MRTFA: variants seen among roughly 807,000 people sequenced by gnomAD.
MRTFA encodes myocardin related transcription factor A.
A neutral mutation model predicts 83.5 loss-of-function variants in MRTFA; 20 were observed. The ratio of observed to expected loss-of-function variants is 0.24; its 90% confidence interval spans 0.17 to 0.35. The LOEUF (loss-of-function observed/expected upper bound fraction) is 0.35, where lower values mean the gene tolerates loss of function less well. Ranked by LOEUF, MRTFA falls within the 10% of genes least tolerant of loss-of-function variation. The pLI is 1.00. For synonymous variants in MRTFA, 659 were observed against 541.2 expected, an observed-to-expected ratio of 1.22 and a Z score of -3.02; for missense variants, 1,200 against 1,224.7, an observed-to-expected ratio of 0.98 and a Z score of 0.30.
At chr22:40,481,485 G>A (rs1402905207) in intron 3 of MRTFA, among the ~76,000 whole-genome samples, 1 of 152,082 alleles carries the variant, frequency 6.6e-6, no homozygotes, top group Non-Finnish European at 1.5e-5. Flanking sequence ...GCTCTAGCAG[G>A]GAAAACATAA....
intron 3 of MRTFA, among the ~76,000 whole-genome samples, chr22:40,540,284 G>C (rs73169017): frequency 0.081 from 12,285 of 152,044 alleles, 734 homozygotes; most frequent in East Asian, 0.25. Flanking sequence ...CTCCTCTTCG[G>C]CCTTGTTTCT....
intron 3 of MRTFA, among the ~76,000 whole-genome samples, chr22:40,500,339 ATTTT>A (rs1257108200): frequency 3.9e-5 from 1 of 25,514 alleles, no homozygotes; most frequent in African/African-American, 6.9e-5. Context: ...TACAGTTTTT[ATTTT>A]TTTTATTTTT....
intron 3 of MRTFA, among the ~76,000 whole-genome samples, chr22:40,493,027 C>T (rs1023819495): frequency 6.6e-6 from 1 of 152,146 alleles, no homozygotes; most frequent in African/African-American, 2.4e-5. Flanking sequence ...GACAACCCAC[C>T]AAAATTTGGG....
At chr22:40,614,956 T>C (rs1393881760) in intron 1 of MRTFA, among the ~76,000 whole-genome samples, 3 of 152,216 alleles carry the variant, frequency 2.0e-5, no homozygotes, top group African/African-American at 7.2e-5. Flanking sequence ...TAGTTTCTTA[T>C]GGTGTCTTCT....
At chr22:40,635,176 C>A in intron 1 of MRTFA, among the ~76,000 whole-genome samples, 1 of 152,198 alleles carries the variant, frequency 6.6e-6, no homozygotes, top group East Asian at 1.9e-4. Context: ...TTAATAACTT[C>A]CAGCCAAAGG....
chr22:40,441,866 G>C (rs1421201150), intron 4 of MRTFA, among the ~76,000 whole-genome samples: 3 of 149,690 alleles, frequency 2.0e-5, no homozygotes, highest in Non-Finnish European at 3.0e-5. Context: ...TTTCACACAG[G>C]CATCCAATAT....
At chr22:40,507,775 C>T (rs1275636079) in intron 3 of MRTFA, among the ~76,000 whole-genome samples, 1 of 151,750 alleles carries the variant, frequency 6.6e-6, no homozygotes, top group Non-Finnish European at 1.5e-5. Flanking sequence ...CCAGCCTGAC[C>T]AACATGGCGA....
At chr22:40,599,370 C>T (rs1179604665) in intron 1 of MRTFA, among the ~76,000 whole-genome samples, 1 of 152,136 alleles carries the variant, frequency 6.6e-6, no homozygotes, top group East Asian at 1.9e-4. Flanking sequence ...TCAATACATA[C>T]GCACATAGAC....
intron 3 of MRTFA, among the ~76,000 whole-genome samples, chr22:40,474,874 T>C (rs1461491643): frequency 1.3e-5 from 2 of 152,198 alleles, no homozygotes; most frequent in Non-Finnish European, 2.9e-5. Context: ...AATCTTGCTC[T>C]GTCACCCAGG....
chr22:40,571,103 G>A (rs191922131), intron 2 of MRTFA, among the ~76,000 whole-genome samples: 62 of 149,114 alleles, frequency 4.2e-4, no homozygotes, highest in Non-Finnish European at 3.0e-5. Flanking sequence ...CAGCTACTCA[G>A]GAGGTTGAGG....
chr22:40,486,403 C>T (rs2054175563), intron 3 of MRTFA, among the ~76,000 whole-genome samples: 1 of 152,222 alleles, frequency 6.6e-6, no homozygotes, highest in African/African-American at 2.4e-5. Flanking sequence ...AATCTAATTA[C>T]TTACTAAAGA....
chr22:40,613,705 T>A (rs1569352873), intron 1 of MRTFA, among the ~76,000 whole-genome samples: 1 of 151,340 alleles, frequency 6.6e-6, no homozygotes, highest in Non-Finnish European at 1.5e-5. Context: ...AAAAAAAAAT[T>A]TTTCCAGCCT....
At chr22:40,566,131 T>C (rs2055699565) in intron 2 of MRTFA, among the ~76,000 whole-genome samples, 1 of 152,080 alleles carries the variant, frequency 6.6e-6, no homozygotes, top group African/African-American at 2.4e-5. Context: ...ATGAATGGCA[T>C]GGCCCGAGAG....
chr22:40,520,413 AT>A lies in MRTFA; in HGVS notation c.241+31692del, dbSNP rs545206207. 8.3e-3 allele frequency among the ~76,000 whole-genome samples: 1,216 copies of A among 146,992 alleles called. 15 individuals are homozygous for A. Among genetic ancestry groups the A allele is most frequent in the Middle Eastern group, 0.052 (15 of 286 alleles). On this transcript the variant is annotated intron_variant, in intron 3 of 14. Coordinates refer to ENST00000355630, the MANE Select transcript of MRTFA (RefSeq NM_020831.6). ...TTGGAAAATGTTTTTAAGGTTCATC[AT>A]TTTTTTTTTTAAGACGAGTCTCGTT... is the stretch of plus-strand genomic sequence containing the variant.
chr22:40,538,642 CAA>C (rs1331923375), intron 3 of MRTFA, among the ~76,000 whole-genome samples: 2 of 152,130 alleles, frequency 1.3e-5, no homozygotes, highest in African/African-American at 4.8e-5. Context: ...CATTTACTCT[CAA>C]GAGTATTAGC....
chr22:40,430,624 C>T (rs988599536), intron 6 of MRTFA, among the ~76,000 whole-genome samples: 2 of 151,886 alleles, frequency 1.3e-5, no homozygotes, highest in African/African-American at 2.4e-5. Context: ...TTTGGGAGGC[C>T]GAGGTGGGTG....
chr22:40,450,996 T>C (rs558815719), intron 4 of MRTFA, among the ~76,000 whole-genome samples: 6 of 152,344 alleles, frequency 3.9e-5, no homozygotes, highest in African/African-American at 1.4e-4. Context: ...ATGGCAATTA[T>C]ACTAACTGCT....
At chr22:40,424,509 G>T in intron 7 of MRTFA, 128 bp from the exon 8 acceptor site, 1 of 975,876 alleles carries the variant, frequency 1.0e-6, no homozygotes, top group Non-Finnish European at 1.5e-6. Flanking sequence ...AGGCAGGCAA[G>T]CCGAGGAGAC....
chr22:40,623,858 T>G (rs1392531558), intron 1 of MRTFA, among the ~76,000 whole-genome samples: 3 of 152,198 alleles, frequency 2.0e-5, no homozygotes, highest in Non-Finnish European at 4.4e-5. Flanking sequence ...TTCACGTCTG[T>G]AATCCCACCA....
Sources: allele counts gnomAD v4.1 joint callset (sites outside exome capture counted in the v4.1 genomes callset), GRCh38; gene constraint gnomAD v4.1.1; transcripts MANE v1.5; gene names NCBI Gene and HGNC (gene_info 2026-07-23, HGNC 2026-07-21).